Variants in GALNT13 observed in about 807,000 individuals in gnomAD.
GALNT13 encodes polypeptide N-acetylgalactosaminyltransferase 13.
In GALNT13, 28 loss-of-function variants were observed where a neutral mutation model predicts 64.2. That is an observed-to-expected ratio of 0.44 (90% CI 0.32 to 0.60). GALNT13 has a LOEUF of 0.60. Ranked by LOEUF, GALNT13 falls within the 20% of genes least tolerant of loss-of-function variation. GALNT13 has a pLI of 0.05. For missense variants in GALNT13, 577 were observed against 669.8 expected (o/e 0.86, Z 1.53); for synonymous variants, 214 against 224.6 (o/e 0.95, Z 0.42).
At chr2:153,514,166 C>G in the GALNT13 span, among the ~76,000 whole-genome samples, 2 of 151,418 alleles carry the variant, frequency 1.3e-5, no homozygotes, top group Non-Finnish European at 2.9e-5. Flanking sequence ...CCTTTCTTTC[C>G]TCTCTTTAGC....
intron 3 of GALNT13, among the ~76,000 whole-genome samples, chr2:154,040,876 A>G (rs890412020): frequency 7.1e-6 from 1 of 140,222 alleles, no homozygotes; most frequent in African/African-American, 2.4e-5. Context: ...TTTATGGCTC[A>G]GACCTATTCA....
the GALNT13 span, among the ~76,000 whole-genome samples, chr2:153,723,443 G>C: frequency 6.7e-6 from 1 of 148,578 alleles, no homozygotes. Flanking sequence ...AGTGTTGGAA[G>C]TTCTGGCCAG....
At chr2:154,147,450 C>A (rs1022784325) in intron 4 of GALNT13, among the ~76,000 whole-genome samples, 3 of 150,420 alleles carry the variant, frequency 2.0e-5, no homozygotes, top group Non-Finnish European at 4.4e-5. Flanking sequence ...TGTATCAAGG[C>A]ATGATGAAGG....
In GALNT13 at chr2:154,018,505, T is replaced by G. The variant is rs549004424; in HGVS notation, c.142+73866T>G. Among the ~76,000 whole-genome samples the G allele has an allele frequency of 3.3e-5, 5 of 151,842 alleles. No individual in the cohort carries two copies. In the South Asian group the frequency reaches 1.0e-3, roughly 32 times the overall value. On this transcript the variant is annotated intron_variant, in intron 3 of 12. Coordinates refer to ENST00000392825, the MANE Select transcript of GALNT13 (RefSeq NM_052917.4). Reference sequence around the variant, plus strand: ...GAGTTCAACCTTTTTTATTAGCTTGTGTGTATAGGAAAAAAAACAGAGAAT... The same window carrying G: ...GAGTTCAACCTTTTTTATTAGCTTGGGTGTATAGGAAAAAAAACAGAGAAT...
chr2:153,628,527 C>T, the GALNT13 span, among the ~76,000 whole-genome samples: 18 of 151,518 alleles, frequency 1.2e-4, no homozygotes, highest in South Asian at 3.5e-3. Flanking sequence ...CCCATCAATA[C>T]CTAATTTATT....
chr2:154,400,110 A>G (rs1699233297), intron 10 of GALNT13, among the ~76,000 whole-genome samples: 1 of 152,204 alleles, frequency 6.6e-6, no homozygotes, highest in Non-Finnish European at 1.5e-5. Flanking sequence ...TAAGATGGAC[A>G]TTTTGATAAT....
chr2:154,382,976 A>G (rs962598435), intron 9 of GALNT13, among the ~76,000 whole-genome samples: 3 of 151,860 alleles, frequency 2.0e-5, no homozygotes, highest in Non-Finnish European at 4.4e-5. Context: ...CATGTTTATT[A>G]GTACTTTGGG....
chr2:154,081,928 T>C (rs1378339476), intron 3 of GALNT13, among the ~76,000 whole-genome samples: 1 of 151,754 alleles, frequency 6.6e-6, no homozygotes, highest in African/African-American at 2.4e-5. Flanking sequence ...ATACAACCAA[T>C]AGATTCTTCA....
chr2:153,329,956 TAGTGAAAGGCAGC>T, the GALNT13 span, among the ~76,000 whole-genome samples: 2 of 152,324 alleles, frequency 1.3e-5, no homozygotes, highest in East Asian at 3.9e-4. Context: ...TTTTTCTATA[TAGTGAAAGGCAGC>T]AGTCCAGTTT....
chr2:153,652,587 C>T, the GALNT13 span, among the ~76,000 whole-genome samples: 5 of 152,036 alleles, frequency 3.3e-5, no homozygotes, highest in African/African-American at 9.7e-5. Context: ...TGCACTCCAG[C>T]CTGGGCAACA....
the GALNT13 span, among the ~76,000 whole-genome samples, chr2:153,597,151 C>T: frequency 6.6e-6 from 1 of 152,096 alleles, no homozygotes; most frequent in South Asian, 2.1e-4. Flanking sequence ...CGATAACAGA[C>T]TGCCTACATA....
the GALNT13 span, among the ~76,000 whole-genome samples, chr2:153,492,901 C>T: frequency 7.3e-5 from 11 of 150,144 alleles, no homozygotes; most frequent in East Asian, 2.2e-3. Flanking sequence ...TCTAGGAAAA[C>T]CTCAAATACT....
chr2:153,602,046 G>A, the GALNT13 span, among the ~76,000 whole-genome samples: 1 of 151,734 alleles, frequency 6.6e-6, no homozygotes. Context: ...ACTTATCTGT[G>A]ATACCGCATA....
the GALNT13 span, among the ~76,000 whole-genome samples, chr2:153,105,207 G>T: frequency 6.6e-6 from 1 of 151,592 alleles, no homozygotes; most frequent in Non-Finnish European, 1.5e-5. Context: ...GGGATGCAAG[G>T]CTGGTTCAAC....
chr2:154,312,486 C>A (rs1694101789), intron 9 of GALNT13, among the ~76,000 whole-genome samples: 1 of 152,128 alleles, frequency 6.6e-6, no homozygotes, highest in Non-Finnish European at 1.5e-5. Context: ...ATTCATAGAT[C>A]TTCATGTATT....
chr2:154,342,450 T>C (rs1695823706), intron 9 of GALNT13, among the ~76,000 whole-genome samples: 1 of 152,084 alleles, frequency 6.6e-6, no homozygotes, highest in African/African-American at 2.4e-5. Flanking sequence ...ACTATGGCCA[T>C]AGAACAAATC....
the GALNT13 span, among the ~76,000 whole-genome samples, chr2:153,391,747 A>T: frequency 2.0e-5 from 3 of 151,846 alleles, no homozygotes; most frequent in African/African-American, 7.2e-5. Context: ...TTTTAGTGCA[A>T]AGTCTTGCTT....
At chr2:154,270,147 G>A (rs1691276017) in intron 8 of GALNT13, among the ~76,000 whole-genome samples, 1 of 151,366 alleles carries the variant, frequency 6.6e-6, no homozygotes, top group South Asian at 2.1e-4. Context: ...AACAAAACTT[G>A]TATTGCTCTT....
At chr2:153,788,271 A>G in the GALNT13 span, among the ~76,000 whole-genome samples, 9 of 152,212 alleles carry the variant, frequency 5.9e-5, no homozygotes, top group African/African-American at 2.2e-4. Context: ...AAGACCGAAG[A>G]GATTGCAGGC....
Sources: allele counts gnomAD v4.1 joint callset (sites outside exome capture counted in the v4.1 genomes callset), GRCh38; gene constraint gnomAD v4.1.1; transcripts MANE v1.5; gene names NCBI Gene and HGNC (gene_info 2026-07-23, HGNC 2026-07-21).